Variants in DGKB observed in about 807,000 individuals in gnomAD.
DGKB encodes 90 kDa diacylglycerol kinase.
A neutral mutation model predicts 114.3 loss-of-function variants in DGKB; 67 were observed. The observed-to-expected ratio is 0.59, with a 90% CI of 0.48 to 0.72. The LOEUF is 0.72. DGKB is among the 30% of genes least tolerant of loss of function. The probability of loss-of-function intolerance (pLI) is 0.00; values close to 1 mark genes in which losing one functional copy is unlikely to be tolerated. For synonymous variants in DGKB, 398 were observed against 323.1 expected (o/e 1.23, Z -2.49); for missense variants, 907 against 975.2 (o/e 0.93, Z 0.93).
chr7:14,581,013 A>G, intron 18 of DGKB, 62 bp from the exon 19 acceptor site: 2 of 1,180,692 alleles, frequency 1.7e-6, no homozygotes, highest in South Asian at 1.4e-5. Flanking sequence ...CGACGGAAAT[A>G]AAAAGATAGC....
chr7:14,223,938 TC>T (rs773803058), intron 23 of DGKB, among the ~76,000 whole-genome samples: 5 of 151,774 alleles, frequency 3.3e-5, no homozygotes, highest in Non-Finnish European at 7.4e-5. Context: ...TTTTTCCAGG[TC>T]TTTTTCCAGG....
chr7:14,901,869 A>C (rs1200883182), intron 1 of DGKB, among the ~76,000 whole-genome samples: 1 of 152,076 alleles, frequency 6.6e-6, no homozygotes, highest in Non-Finnish European at 1.5e-5. Flanking sequence ...TTAAGCCTTC[A>C]TTTTCTGCCA....
At chr7:14,867,986 G>A (rs115133458) in intron 1 of DGKB, among the ~76,000 whole-genome samples, 222 of 152,248 alleles carry the variant, frequency 1.5e-3, no homozygotes, top group African/African-American at 4.3e-3. Context: ...CAAATTGCAC[G>A]AAAAGAGATA....
intron 23 of DGKB, among the ~76,000 whole-genome samples, chr7:14,201,957 G>A (rs1167004962): frequency 6.6e-6 from 1 of 151,934 alleles, no homozygotes; most frequent in South Asian, 2.1e-4. Flanking sequence ...TCTTCTATAA[G>A]AGGCTCCAAT....
In DGKB at chr7:14,283,809, A is replaced by G. The variant is rs541073217; in HGVS notation, c.2122+54706T>C. Among the ~76,000 whole-genome samples the G allele has an allele frequency of 1.3e-4, 20 of 152,262 alleles. No homozygotes were observed. The East Asian group carries it at 3.5e-3, about 26-fold the overall frequency. The stretch of plus-strand genomic sequence containing the variant: ...ATGGTGCTGGGAAAACTGGCTAGCC[A>G]TATGCAGAAAGCTGAAACTGGATCC... On this transcript the variant is annotated intron_variant, in intron 23 of 25. Transcript: ENST00000402815.
rs1239021793 is a variant in DGKB at position 14,718,493 on chromosome 7, T to C, written c.466+49A>G. On this transcript the variant is annotated intron_variant, in intron 6 of 25. Coordinates refer to ENST00000402815, the MANE Select transcript of DGKB (RefSeq NM_001350709.2). ...TTTAAGTTAATCAATATCCAGTCCT[T>C]TCTCCTGCCCCCAATCACGATAAGT... is the stretch of plus-strand genomic sequence containing the variant. 7 of 1,548,094 alleles carry C rather than the reference T, an allele frequency of 4.5e-6. No homozygotes were observed. In the South Asian group the frequency reaches 6.2e-5, roughly 14 times the overall value.
intron 20 of DGKB, among the ~76,000 whole-genome samples, chr7:14,486,273 A>G (rs1293613960): frequency 6.6e-6 from 1 of 152,172 alleles, no homozygotes; most frequent in Non-Finnish European, 1.5e-5. Context: ...TCCATCAAAA[A>G]CAGATGGTGG....
At chr7:14,589,083 T>C (rs1269391989) in intron 17 of DGKB, among the ~76,000 whole-genome samples, 1 of 152,034 alleles carries the variant, frequency 6.6e-6, no homozygotes, top group African/African-American at 2.4e-5. Flanking sequence ...AAGATATAAA[T>C]TTTCTACTAA....
At chr7:14,720,767 G>C (rs934925299) in intron 5 of DGKB, among the ~76,000 whole-genome samples, 1 of 149,924 alleles carries the variant, frequency 6.7e-6, no homozygotes, top group African/African-American at 2.5e-5. Context: ...CTTTTTAATA[G>C]AAGTATCAGT....
At chr7:14,179,716 G>C (rs1234324427) in intron 23 of DGKB, among the ~76,000 whole-genome samples, 1 of 152,046 alleles carries the variant, frequency 6.6e-6, no homozygotes, top group East Asian at 1.9e-4. Context: ...ACTTTAAAAA[G>C]AATATGCAAC....
intron 2 of DGKB, among the ~76,000 whole-genome samples, chr7:14,782,987 T>C (rs1188634156): frequency 1.3e-5 from 2 of 152,164 alleles, no homozygotes; most frequent in East Asian, 3.9e-4. Context: ...TGTGAGCCTG[T>C]CTGGCTCACA....
At chr7:14,608,081 G>A (rs1477869863) in intron 16 of DGKB, among the ~76,000 whole-genome samples, 1 of 152,058 alleles carries the variant, frequency 6.6e-6, no homozygotes, top group African/African-American at 2.4e-5. Context: ...TGTCTTAGCA[G>A]CATATGACAA....
At chr7:14,470,787 A>T (rs1013352977) in intron 21 of DGKB, among the ~76,000 whole-genome samples, 13 of 151,698 alleles carry the variant, frequency 8.6e-5, no homozygotes, top group African/African-American at 2.9e-4. Context: ...TACATTAAAG[A>T]TTCTTACAGA....
At chr7:14,721,308 A>G (rs1315546614) in intron 5 of DGKB, among the ~76,000 whole-genome samples, 1 of 152,224 alleles carries the variant, frequency 6.6e-6, no homozygotes, top group Non-Finnish European at 1.5e-5. Context: ...TTGAGAACGT[A>G]AGGATCACAT....
At chr7:14,947,030 TAGAG>T (rs1301569116) in intron 1 of DGKB, among the ~76,000 whole-genome samples, 1 of 151,592 alleles carries the variant, frequency 6.6e-6, no homozygotes, top group African/African-American at 2.4e-5. Flanking sequence ...TTAATTAGCA[TAGAG>T]AGTTTGTTTT....
chr7:14,595,263 G>C (rs1421155572), intron 17 of DGKB, among the ~76,000 whole-genome samples: 1 of 152,024 alleles, frequency 6.6e-6, no homozygotes, highest in Non-Finnish European at 1.5e-5. Flanking sequence ...AGCCTGAAGT[G>C]ACATACTGTC....
intron 1 of DGKB, among the ~76,000 whole-genome samples, chr7:14,863,456 G>A (rs1343576342): frequency 2.6e-5 from 4 of 151,250 alleles, no homozygotes; most frequent in Non-Finnish European, 4.4e-5. Flanking sequence ...ACACTATTTG[G>A]AAAATTTCAT....
chr7:14,740,772 G>A (rs544526274), intron 4 of DGKB, among the ~76,000 whole-genome samples: 24 of 152,188 alleles, frequency 1.6e-4, no homozygotes, highest in East Asian at 3.9e-4. Context: ...GTGAGTGCAC[G>A]GGGAAGTGCG....
intron 2 of DGKB, among the ~76,000 whole-genome samples, chr7:14,832,853 C>A (rs1435113313): frequency 6.6e-6 from 1 of 152,080 alleles, no homozygotes. Context: ...CACACCCATT[C>A]TATATGTCTG....
Sources: allele counts gnomAD v4.1 joint callset (sites outside exome capture counted in the v4.1 genomes callset), GRCh38; gene constraint gnomAD v4.1.1; transcripts MANE v1.5; gene names NCBI Gene and HGNC (gene_info 2026-07-23, HGNC 2026-07-21).